Variants in CTCF observed in about 807,000 individuals in gnomAD.
CTCF encodes the protein CCCTC-binding factor, also known as transcriptional repressor CTCF.
CTCF carries 7 observed loss-of-function variants against 72.3 expected under a neutral mutation model. That is an observed-to-expected ratio of 0.10 (90% CI 0.06 to 0.18). CTCF has a LOEUF of 0.18. CTCF is among the 10% of genes least tolerant of loss of function. CTCF has a pLI of 1.00. For synonymous variants in CTCF, 374 were observed against 315.8 expected (o/e 1.18, Z -1.95); for missense variants, 516 against 949.1 (o/e 0.54, Z 6.00).
At chr16:67,596,600 T>G (rs2051818403) in intron 2 of CTCF, among the ~76,000 whole-genome samples, 1 of 152,106 alleles carries the variant, frequency 6.6e-6, no homozygotes, top group Admixed American at 6.6e-5. Context: ...ATTTATTTAT[T>G]TAGAGACAGA....
At chr16:67,568,994 C>T (rs1173608893) in intron 1 of CTCF, among the ~76,000 whole-genome samples, 10 of 151,594 alleles carry the variant, frequency 6.6e-5, no homozygotes, top group Admixed American at 2.6e-4. Context: ...CACACCACTA[C>T]GCCTGGTTAA....
At chr16:67,592,502 T>A (rs1015635851) in intron 2 of CTCF, among the ~76,000 whole-genome samples, 2 of 152,110 alleles carry the variant, frequency 1.3e-5, no homozygotes, top group Non-Finnish European at 2.9e-5. Context: ...GCTCAGAAGT[T>A]TGAGACCATC....
Position 67,626,685 on chromosome 16 carries a change from G to A in CTCF, c.1488G>A (p.Lys496=). Residue 496 remains lysine, a synonymous_variant, in exon 8 of 12, where the codon AAG becomes AAA. Transcript: ENST00000264010. ...QKSHKNEKRF[K]CDQCDYACRQ... ...CACACAAGAATGAGAAGCGCTTTAA[G>A]TGTGACCAGTGTGATTACGCTTGTA... The A allele has an allele frequency of 6.6e-7, 1 of 1,513,216 alleles. No individual in the cohort carries two copies. The highest frequency in any genetic ancestry group is 1.3e-5 in the South Asian group (1 of 77,642). The allele number at this position is 1,513,216 out of a possible 1,614,324, so 93.7% of individuals were successfully genotyped here.
intron 2 of CTCF, among the ~76,000 whole-genome samples, chr16:67,598,080 G>T (rs564467824): frequency 6.6e-6 from 1 of 151,936 alleles, no homozygotes; most frequent in African/African-American, 2.4e-5. Flanking sequence ...GGGCTCAGGC[G>T]ATCCTCCCAG....
At chr16:67,591,078 A>G (rs191917172) in intron 2 of CTCF, among the ~76,000 whole-genome samples, 69 of 151,786 alleles carry the variant, frequency 4.5e-4, no homozygotes, top group African/African-American at 1.6e-3. Flanking sequence ...AGATCACTTG[A>G]GGTCAGGAGT....
intron 2 of CTCF, among the ~76,000 whole-genome samples, chr16:67,583,401 A>C (rs1218995028): frequency 6.6e-6 from 1 of 152,012 alleles, no homozygotes; most frequent in Non-Finnish European, 1.5e-5. Flanking sequence ...AAGAGTATAT[A>C]TCTAGCCAGG....
intron 10 of CTCF, among the ~76,000 whole-genome samples, chr16:67,631,586 C>T (rs1474744486): frequency 1.3e-5 from 2 of 151,970 alleles, no homozygotes; most frequent in East Asian, 3.9e-4. Context: ...TAGGCATGAG[C>T]CACTGCACCC....
At chr16:67,607,476 T>A (rs2051990470) in intron 2 of CTCF, among the ~76,000 whole-genome samples, 2 of 151,704 alleles carry the variant, frequency 1.3e-5, no homozygotes, top group Non-Finnish European at 2.9e-5. Context: ...TGGCTAATTT[T>A]TGTATTTTTA....
intron 2 of CTCF, among the ~76,000 whole-genome samples, chr16:67,608,091 G>A (rs543978137): frequency 8.2e-4 from 124 of 150,408 alleles, no homozygotes; most frequent in Non-Finnish European, 1.7e-3. Context: ...TTGGGAGGCC[G>A]AGGCAGGCGG....
At chr16:67,582,142 C>T (rs534813841) in intron 2 of CTCF, among the ~76,000 whole-genome samples, 1 of 150,716 alleles carries the variant, frequency 6.6e-6, no homozygotes, top group South Asian at 2.1e-4. Flanking sequence ...ATGGCATGAA[C>T]GGAGCTTGCA....
intron 2 of CTCF, among the ~76,000 whole-genome samples, chr16:67,590,115 T>C (rs2051720175): frequency 7.4e-6 from 1 of 135,602 alleles, no homozygotes; most frequent in African/African-American, 2.6e-5. Flanking sequence ...AGTTAGAACT[T>C]TTTTTTTTTT....
rs767679068 is a variant in CTCF, at chr16:67,636,713, G to C, written c.1861G>C (p.Asp621His). Residue 621 changes from aspartate (D) to histidine (H), a missense_variant, in exon 11 of 12, where the codon GAC becomes CAC. Around this residue, in one of 7 missense-constraint regions of CTCF, gnomAD observed 157 missense variants for 172.9 expected, o/e 0.91. Transcript: ENST00000264010. Reference protein sequence around the residue: ...DSENAEPDLDDNEDEEEPAVE... With the variant: ...DSENAEPDLDHNEDEEEPAVE... ...AGAAAATGCTGAACCAGATCTGGAC[G>C]ACAATGAGGATGAGGAGGAGCCTGC... 1 of 1,606,726 alleles carries C rather than the reference G, an allele frequency of 6.2e-7. No homozygotes were observed. The highest frequency in any genetic ancestry group is 1.1e-5 in the South Asian group (1 of 89,380).
chr16:67,596,651 C>G (rs1597700225), intron 2 of CTCF, among the ~76,000 whole-genome samples: 2 of 151,976 alleles, frequency 1.3e-5, no homozygotes, highest in South Asian at 2.1e-4. Flanking sequence ...GTGGCACGAT[C>G]TCGGCTCACT....
At chr16:67,566,938 T>C (rs922779599) in intron 1 of CTCF, among the ~76,000 whole-genome samples, 1 of 151,974 alleles carries the variant, frequency 6.6e-6, no homozygotes, top group Non-Finnish European at 1.5e-5. Context: ...TGCAGTGGTG[T>C]GATCACAGCT....
At chr16:67,632,623 T>C (rs1055429781) in intron 10 of CTCF, among the ~76,000 whole-genome samples, 3 of 143,728 alleles carry the variant, frequency 2.1e-5, no homozygotes, top group African/African-American at 7.8e-5. Context: ...CAATAAGCCT[T>C]TGATCCTGTT....
At chr16:67,613,755 G>T (rs531308058) in intron 4 of CTCF, among the ~76,000 whole-genome samples, 1 of 152,252 alleles carries the variant, frequency 6.6e-6, no homozygotes, top group Non-Finnish European at 1.5e-5. Flanking sequence ...CAACCTAAGT[G>T]ACAGAGCAAG....
chr16:67,621,478 G>A lies in CTCF; in HGVS notation c.1244G>A (p.Arg415Gln). The stretch of plus-strand genomic sequence containing the variant: ...TATGAATGTTATATTTGTCATGCTC[G>A]GTTTACCCAAAGTGGTACCATGAAG... ...KPYECYICHA[R>Q]FTQSGTMKMH... is the part of the protein sequence containing the mutation. The change falls in exon 7 of 12, where the codon CGG (arginine) becomes CAG (glutamine). Residue 415 changes from arginine (R) to glutamine (Q), a missense_variant. Around this residue, in one of 7 missense-constraint regions of CTCF, gnomAD observed 70 missense variants for 290.1 expected, o/e 0.24. Transcript: ENST00000264010. The A allele has an allele frequency of 1.2e-6, 2 of 1,610,732 alleles. No homozygotes were observed. Among genetic ancestry groups the A allele is most frequent in the Non-Finnish European group, 1.7e-6 (2 of 1,177,248 alleles).
intron 11 of CTCF, 127 bp from the exon 12 acceptor site, chr16:67,637,559 GTC>G (rs2052447634): frequency 1.4e-6 from 1 of 707,950 alleles, no homozygotes; most frequent in Admixed American, 2.6e-5. Flanking sequence ...TAAATTGACT[GTC>G]TCTGGACCGC....
intron 1 of CTCF, chr16:67,570,770 A>G (rs2051407470): frequency 7.6e-6 from 1 of 131,358 alleles, no homozygotes; most frequent in Non-Finnish European, 1.6e-5. Flanking sequence ...TTGAGACAAG[A>G]TCTCTCACTC....
Sources: gnomAD v4.1 joint callset for allele counts (sites outside exome capture counted in the v4.1 genomes callset) on GRCh38, gnomAD v4.1.1 for gene constraint, gnomAD v4.1.1 regional missense constraint, MANE v1.5 for transcripts, NCBI Gene and HGNC (gene_info 2026-07-23, HGNC 2026-07-21) for gene names.